The following HS6ST3 variants were observed in gnomAD, a reference collection of about 807,000 sequenced individuals.
HS6ST3 encodes heparan sulfate 6-O-sulfotransferase 3.
HS6ST3 carries 12 observed loss-of-function variants against 36.7 expected under a neutral mutation model. That is an observed-to-expected ratio of 0.33 (90% confidence interval 0.21 to 0.53). HS6ST3 has a LOEUF of 0.53. HS6ST3 is among the 20% of genes least tolerant of loss of function. The pLI is 0.95. For missense variants in HS6ST3, 584 were observed against 640.9 expected (o/e 0.91, Z 0.96); for synonymous variants, 240 against 257.5 (o/e 0.93, Z 0.65).
At chr13:96,546,726 G>C (rs1228145389) in intron 1 of HS6ST3, among the ~76,000 whole-genome samples, 1 of 152,168 alleles carries the variant, frequency 6.6e-6, no homozygotes, top group Non-Finnish European at 1.5e-5. Flanking sequence ...TTTAATGTAA[G>C]AGCGCAAGAC....
At chr13:96,208,792 A>G (rs2054384612) in intron 1 of HS6ST3, among the ~76,000 whole-genome samples, 1 of 152,232 alleles carries the variant, frequency 6.6e-6, no homozygotes, top group Non-Finnish European at 1.5e-5. Context: ...TTAAAAGGGT[A>G]CGAGGTGAAA....
intron 1 of HS6ST3, among the ~76,000 whole-genome samples, chr13:96,716,128 T>C (rs1367697235): frequency 6.6e-6 from 1 of 152,156 alleles, no homozygotes; most frequent in Non-Finnish European, 1.5e-5. Flanking sequence ...TCATATTTGT[T>C]TTTATGATTC....
At chr13:96,765,874 T>C (rs1304914450) in intron 1 of HS6ST3, among the ~76,000 whole-genome samples, 1 of 152,114 alleles carries the variant, frequency 6.6e-6, no homozygotes, top group African/African-American at 2.4e-5. Flanking sequence ...AAGCTTTACC[T>C]GAGATGTAGA....
rs1191372183 is a variant in HS6ST3 at position 96,504,698 on chromosome 13, C to T, written c.708-327792C>T. 2.6e-5 allele frequency among the ~76,000 whole-genome samples: 4 copies of T among 152,156 alleles called. 1 individual carries two copies. The highest frequency in any genetic ancestry group is 4.2e-4 in the South Asian group (2 of 4,816). The stretch of plus-strand genomic sequence containing the variant: ...GATGCTTTGACTTAGTCCCAAGGGA[C>T]CTGACATAATTAAACATGACCTTCT... On this transcript the variant is annotated intron_variant, in intron 1 of 1. Transcript: ENST00000376705.
intron 1 of HS6ST3, among the ~76,000 whole-genome samples, chr13:96,530,858 A>G (rs927028631): frequency 1.3e-5 from 2 of 152,096 alleles, no homozygotes; most frequent in Non-Finnish European, 2.9e-5. Context: ...TGAGACACAA[A>G]TTTTAATGTG....
intron 1 of HS6ST3, among the ~76,000 whole-genome samples, chr13:96,302,811 A>C (rs1189307960): frequency 2.0e-5 from 3 of 152,198 alleles, no homozygotes; most frequent in African/African-American, 7.2e-5. Flanking sequence ...AAGTTTGCTA[A>C]GCTAGATGAT....
At chr13:96,771,608 T>C (rs1202316350) in intron 1 of HS6ST3, among the ~76,000 whole-genome samples, 1 of 152,132 alleles carries the variant, frequency 6.6e-6, no homozygotes, top group Non-Finnish European at 1.5e-5. Flanking sequence ...TTTAGGAGCG[T>C]TGTAATAAAC....
chr13:96,797,746 C>CTTG, intron 1 of HS6ST3, among the ~76,000 whole-genome samples: 2 of 152,180 alleles, frequency 1.3e-5, no homozygotes, highest in East Asian at 3.9e-4. Flanking sequence ...GCAATCAACA[C>CTTG]AGAAGACTTA....
intron 1 of HS6ST3, among the ~76,000 whole-genome samples, chr13:96,792,548 C>T (rs1877816997): frequency 6.6e-6 from 1 of 151,856 alleles, no homozygotes. Flanking sequence ...AGGCATTAAC[C>T]TAAAGGCCAG....
intron 1 of HS6ST3, among the ~76,000 whole-genome samples, chr13:96,362,040 A>G (rs1485093298): frequency 6.6e-6 from 1 of 152,172 alleles, no homozygotes; most frequent in Non-Finnish European, 1.5e-5. Flanking sequence ...ATGCAGCTCA[A>G]GTTTGAGAAC....
chr13:96,280,805 A>G (rs901725915), intron 1 of HS6ST3, among the ~76,000 whole-genome samples: 3 of 152,202 alleles, frequency 2.0e-5, no homozygotes, highest in Admixed American at 6.5e-5. Context: ...ATATTGCAAC[A>G]GAATAAGAGA....
chr13:96,832,192 T>A (rs1270029744), intron 1 of HS6ST3, among the ~76,000 whole-genome samples: 2 of 152,110 alleles, frequency 1.3e-5, no homozygotes, highest in East Asian at 1.9e-4. Context: ...CCAGCAGTAA[T>A]TTATCAGTGA....
At chr13:96,233,194 A>C (rs1437765699) in intron 1 of HS6ST3, among the ~76,000 whole-genome samples, 1 of 152,200 alleles carries the variant, frequency 6.6e-6, no homozygotes, top group East Asian at 1.9e-4. Flanking sequence ...ATGAATTTCT[A>C]ACTTCCTGCC....
At chr13:96,560,233 A>G (rs1224593550) in intron 1 of HS6ST3, among the ~76,000 whole-genome samples, 1 of 152,214 alleles carries the variant, frequency 6.6e-6, no homozygotes, top group African/African-American at 2.4e-5. Context: ...GCCATGTGTT[A>G]GACATGTAAC....
intron 1 of HS6ST3, among the ~76,000 whole-genome samples, chr13:96,312,338 G>C (rs370099482): frequency 7.2e-5 from 11 of 152,074 alleles, no homozygotes; most frequent in African/African-American, 2.7e-4. Context: ...TATATTGTTT[G>C]AGTTTTCTTC....
intron 1 of HS6ST3, among the ~76,000 whole-genome samples, chr13:96,112,578 A>AATATACAT (rs397773858): frequency 0.073 from 5,916 of 80,964 alleles, 1,599 homozygotes; most frequent in South Asian, 0.12. Context: ...AAAATAAATA[A>AATATACAT]ATATATATAT....
intron 1 of HS6ST3, among the ~76,000 whole-genome samples, chr13:96,745,903 C>T (rs951796089): frequency 1.3e-5 from 2 of 152,048 alleles, no homozygotes; most frequent in South Asian, 2.1e-4. Flanking sequence ...CATCTTCAGG[C>T]TTTCCCATCG....
rs184146160 is a variant in HS6ST3, at chr13:96,234,425, G to A, written c.707+142856G>A. Among the ~76,000 whole-genome samples the A allele has an allele frequency of 4.4e-3, 672 of 152,046 alleles. 4 individuals carry two copies. Among genetic ancestry groups the A allele is most frequent in the Non-Finnish European group, 7.5e-3 (513 of 67,964 alleles). ...AAAACCAAAAAACAAAAAACAAAATGTATTAGTCTGTTCTCATGCTGCTAA... is the reference window on the plus strand; with the variant it reads ...AAAACCAAAAAACAAAAAACAAAATATATTAGTCTGTTCTCATGCTGCTAA... On this transcript the variant is annotated intron_variant, in intron 1 of 1. Transcript: ENST00000376705.
At chr13:96,633,424 AG>A (rs2056538678) in intron 1 of HS6ST3, among the ~76,000 whole-genome samples, 1 of 152,218 alleles carries the variant, frequency 6.6e-6, no homozygotes, top group Admixed American at 6.5e-5. Context: ...CAAAGGTATT[AG>A]AGAGTGAAAA....
Sources: gnomAD v4.1 joint callset for allele counts (sites outside exome capture counted in the v4.1 genomes callset) on GRCh38, gnomAD v4.1.1 for gene constraint, MANE v1.5 for transcripts, NCBI Gene and HGNC (gene_info 2026-07-23, HGNC 2026-07-21) for gene names.